NKD1: variants seen among roughly 807,000 people sequenced by gnomAD.
NKD1 encodes the protein NKD inhibitor of Wnt signaling pathway 1, also known as protein naked cuticle homolog 1.
In NKD1, 21 loss-of-function variants were observed where a neutral mutation model predicts 56.0. That is an observed-to-expected ratio of 0.38 (90% CI 0.27 to 0.54). The LOEUF is 0.54. Ranked by LOEUF, NKD1 falls within the 20% of genes least tolerant of loss-of-function variation. The pLI is 0.82. For synonymous variants in NKD1, 263 were observed against 265.7 expected (o/e 0.99, Z 0.10); for missense variants, 578 against 642.7 (o/e 0.90, Z 1.09).
chr16:50,600,927 G>A (rs1275279198), intron 3 of NKD1, among the ~76,000 whole-genome samples: 1 of 152,260 alleles, frequency 6.6e-6, no homozygotes, highest in Non-Finnish European at 1.5e-5. Flanking sequence ...TCCCCAGGAT[G>A]TGGGGAGCTG....
intron 3 of NKD1, among the ~76,000 whole-genome samples, chr16:50,569,119 G>A (rs1456769952): frequency 6.6e-6 from 1 of 152,188 alleles, no homozygotes; most frequent in Non-Finnish European, 1.5e-5. Context: ...CTGGTGCCCA[G>A]CGCCTTCTGA....
intron 5 of NKD1, among the ~76,000 whole-genome samples, chr16:50,624,787 C>T (rs1375369209): frequency 1.3e-5 from 2 of 152,218 alleles, no homozygotes; most frequent in Non-Finnish European, 1.5e-5. Flanking sequence ...CTCCCTTGTT[C>T]CGTTGCCTCT....
intron 3 of NKD1, among the ~76,000 whole-genome samples, chr16:50,572,275 G>T (rs935214002): frequency 1.3e-5 from 2 of 152,196 alleles, no homozygotes; most frequent in African/African-American, 4.8e-5. Context: ...ACCTGTGGTG[G>T]CAGGGGGCAG....
chr16:50,569,040 G>A (rs1360110346), intron 3 of NKD1, among the ~76,000 whole-genome samples: 1 of 152,186 alleles, frequency 6.6e-6, no homozygotes, highest in Admixed American at 6.5e-5. Flanking sequence ...GTGAGGGAGA[G>A]TTTATCTGGT....
chr16:50,581,353 G>A (rs945633915), intron 3 of NKD1, among the ~76,000 whole-genome samples: 5 of 152,280 alleles, frequency 3.3e-5, no homozygotes, highest in Non-Finnish European at 5.9e-5. Flanking sequence ...TGGAGTTTTC[G>A]TATTACTCAG....
At chr16:50,566,062 G>C in intron 3 of NKD1, 1 of 676,788 alleles carries the variant, frequency 1.5e-6, no homozygotes, top group Non-Finnish European at 1.8e-6. Flanking sequence ...TTCTGGCAAA[G>C]CTGGAGTTTT....
intron 3 of NKD1, among the ~76,000 whole-genome samples, chr16:50,578,754 C>T (rs994320644): frequency 1.1e-4 from 16 of 152,126 alleles, no homozygotes; most frequent in Non-Finnish European, 8.8e-5. Flanking sequence ...TCCTGGGCAG[C>T]TTAGTAGCTG....
intron 4 of NKD1, among the ~76,000 whole-genome samples, chr16:50,610,973 C>T (rs1447411855): frequency 6.6e-6 from 1 of 152,194 alleles, no homozygotes. Context: ...CCCTCCTCAG[C>T]TGACCCAGCT....
chr16:50,611,395 C>T (rs1421776082), intron 4 of NKD1, among the ~76,000 whole-genome samples: 1 of 152,252 alleles, frequency 6.6e-6, no homozygotes, highest in Non-Finnish European at 1.5e-5. Flanking sequence ...ATGCTCAGAG[C>T]CACTGAAGTC....
intron 4 of NKD1, among the ~76,000 whole-genome samples, chr16:50,620,567 A>G (rs1378822874): frequency 6.6e-6 from 1 of 152,176 alleles, no homozygotes; most frequent in Non-Finnish European, 1.5e-5. Flanking sequence ...ACAGGACAAC[A>G]AATTTACTAC....
At chr16:50,628,366 G>A (rs1962269679) in intron 6 of NKD1, among the ~76,000 whole-genome samples, 1 of 152,230 alleles carries the variant, frequency 6.6e-6, no homozygotes, top group African/African-American at 2.4e-5. Context: ...CCACATGCCT[G>A]CCTGGCTGGG....
chr16:50,627,053 G>T (rs146528649), intron 6 of NKD1, among the ~76,000 whole-genome samples: 2,618 of 152,230 alleles, frequency 0.017, 40 homozygotes, highest in Non-Finnish European at 0.027. Context: ...TGGTTTTCGG[G>T]CTGTTTCAAC....
At position 50,643,001 on chromosome 16, in the gene NKD1, G is replaced by A. The variant is rs912024268; in HGVS notation, c.*9220G>A. 1 of 152,242 alleles carries A rather than the reference G, an allele frequency of 6.6e-6. No homozygotes were observed. Among genetic ancestry groups the A allele is most frequent in the Non-Finnish European group, 1.5e-5 (1 of 68,070 alleles). 9.4% of individuals were successfully genotyped at this position (152,242 alleles called of 1,614,324 possible). On this transcript the variant is annotated 3_prime_UTR_variant, in exon 10 of 10. Transcript: ENST00000268459. ...CTTGGCTTGAAGCTAGACTATGGGG[G>A]TGGCAGCTCTAAGTCCTACAAACAG... is the stretch of plus-strand genomic sequence containing the variant.
chr16:50,586,697 C>A (rs1291285618), intron 3 of NKD1, among the ~76,000 whole-genome samples: 3 of 152,148 alleles, frequency 2.0e-5, no homozygotes, highest in Admixed American at 6.5e-5. Context: ...AAAGTTCAAC[C>A]CATCAAGACT....
At chr16:50,586,406 A>G (rs148441614) in intron 3 of NKD1, among the ~76,000 whole-genome samples, 1 of 149,922 alleles carries the variant, frequency 6.7e-6, no homozygotes. Flanking sequence ...CTGTCTCCCT[A>G]CCTCCCCTCC....
At chr16:50,618,549 C>T (rs1159687371) in intron 4 of NKD1, among the ~76,000 whole-genome samples, 15 of 152,358 alleles carry the variant, frequency 9.8e-5, no homozygotes, top group Admixed American at 3.9e-4. Flanking sequence ...TGAGGCCTGG[C>T]GCCTGCCCCT....
Position 50,582,405 on chromosome 16 carries a change from G to A in NKD1, c.193-25889G>A, listed in dbSNP as rs902910987. Among the ~76,000 whole-genome samples, 5 of 152,148 alleles carry A rather than the reference G, an allele frequency of 3.3e-5. No homozygotes were observed. The East Asian group carries it at 9.6e-4, about 29-fold the overall frequency. Reference sequence around the variant, plus strand: ...TCCCAGGGGAGTCTGGATCTTGCAGGTGCCCATTTTTAGACTGAGGTATTT... The same window carrying A: ...TCCCAGGGGAGTCTGGATCTTGCAGATGCCCATTTTTAGACTGAGGTATTT... On this transcript the variant is annotated intron_variant, in intron 3 of 9. Coordinates refer to ENST00000268459, the MANE Select transcript of NKD1 (RefSeq NM_033119.5).
intron 3 of NKD1, among the ~76,000 whole-genome samples, chr16:50,603,086 G>T (rs536323840): frequency 1.3e-5 from 2 of 152,232 alleles, no homozygotes; most frequent in South Asian, 2.1e-4. Context: ...TTCCAGCTTC[G>T]CATCAGACAC....
At chr16:50,559,993 C>T (rs954181493) in intron 3 of NKD1, among the ~76,000 whole-genome samples, 1 of 152,102 alleles carries the variant, frequency 6.6e-6, no homozygotes, top group African/African-American at 2.4e-5. Flanking sequence ...TGCGGTGGCT[C>T]CAGTGAGTGG....
Sources: allele counts gnomAD v4.1 joint callset (sites outside exome capture counted in the v4.1 genomes callset), GRCh38; gene constraint gnomAD v4.1.1; transcripts MANE v1.5; gene names NCBI Gene and HGNC (gene_info 2026-07-23, HGNC 2026-07-21).